WDTC1: variants seen among roughly 807,000 people sequenced by gnomAD.
The protein encoded by WDTC1 is WD and tetratricopeptide repeats 1, also known as WD and tetratricopeptide repeats protein 1.
A neutral mutation model predicts 76.0 loss-of-function variants in WDTC1; 12 were observed. That is an observed-to-expected ratio of 0.16 (90% CI 0.10 to 0.26). The LOEUF is 0.26. Ranked by LOEUF, WDTC1 falls within the 10% of genes least tolerant of loss-of-function variation. The pLI, the probability that WDTC1 is intolerant of heterozygous loss-of-function variation, is 1.00. For missense variants in WDTC1, 511 were observed against 908.8 expected, an observed-to-expected ratio of 0.56 and a Z score of 5.63; for synonymous variants, 326 against 350.8, an observed-to-expected ratio of 0.93 and a Z score of 0.79.
At chr1:27,288,044 C>T (rs2013394635) in intron 6 of WDTC1, among the ~76,000 whole-genome samples, 183 bp downstream of exon 6, 1 of 152,210 alleles carries the variant, frequency 6.6e-6, no homozygotes, top group African/African-American at 2.4e-5. Flanking sequence ...CACCTTCCTC[C>T]CTCTTTGCCC....
chr1:27,247,712 CTTTTTT>C (rs35930144), intron 1 of WDTC1, among the ~76,000 whole-genome samples: 5 of 136,560 alleles, frequency 3.7e-5, no homozygotes, highest in Admixed American at 3.0e-4. Flanking sequence ...CATTTTCTTT[CTTTTTT>C]TTTTTTTTTT....
At chr1:27,296,273 C>G (rs1302740070) in intron 9 of WDTC1, 53 bp from the exon 10 acceptor site, 1 of 1,608,322 alleles carries the variant, frequency 6.2e-7, no homozygotes, top group African/African-American at 1.3e-5. Flanking sequence ...ACTGGTTCAA[C>G]CACATCCTTA....
intron 6 of WDTC1, among the ~76,000 whole-genome samples, chr1:27,289,942 C>G (rs1379469770): frequency 1.3e-5 from 2 of 151,844 alleles, no homozygotes; most frequent in Non-Finnish European, 2.9e-5. Context: ...GCAGTACAGT[C>G]CAGCTTCGGC....
intron 3 of WDTC1, among the ~76,000 whole-genome samples, chr1:27,268,638 C>T (rs561165606): frequency 4.0e-5 from 6 of 150,982 alleles, no homozygotes; most frequent in African/African-American, 7.3e-5. Context: ...AGGCTGGTCT[C>T]GATCTCCTGA....
At chr1:27,289,786 C>G (rs968017751) in intron 6 of WDTC1, among the ~76,000 whole-genome samples, 2 of 151,834 alleles carry the variant, frequency 1.3e-5, no homozygotes, top group African/African-American at 2.4e-5. Context: ...AGCTGGAGAC[C>G]GGCCCGGCCA....
At position 27,292,386 on chromosome 1, in the gene WDTC1, C is replaced by G. The variant is rs1464000572; in HGVS notation, c.651C>G (p.Ile217Met). Residue 217 changes from isoleucine (I) to methionine (M), a missense_variant, in exon 7 of 16, where the codon ATC (isoleucine) becomes ATG (methionine). Physicochemically the swap from Ile to Met is conservative, Grantham distance 10. Transcript: ENST00000319394. ...TGAGGCTCTATGACATCCGCATGAT[C>G]CATAACCACAGGTATGAATAGTTCA... is the stretch of plus-strand genomic sequence containing the variant. Reference protein sequence around the residue: ...PFVRLYDIRMIHNHRKSMKQS... With the variant: ...PFVRLYDIRMMHNHRKSMKQS... 1 of 1,600,896 alleles carries G rather than the reference C, an allele frequency of 6.2e-7. No individual in the cohort carries two copies. The highest frequency in any genetic ancestry group is 8.5e-7 in the Non-Finnish European group (1 of 1,173,070).
chr1:27,277,918 G>A (rs867305807), intron 3 of WDTC1, among the ~76,000 whole-genome samples: 3 of 152,112 alleles, frequency 2.0e-5, no homozygotes, highest in Non-Finnish European at 4.4e-5. Flanking sequence ...TTGGCTCACC[G>A]CAACCTCCAC....
Position 27,263,133 on chromosome 1 carries a change from A to G in WDTC1, c.49-19A>G, listed in dbSNP as rs774771881. On this transcript the variant is annotated intron_variant, in intron 2 of 15. Coordinates refer to ENST00000319394, the MANE Select transcript of WDTC1 (RefSeq NM_001276252.2). ...TTTAATTGAATCAATGAAATCACGA[A>G]TTTGTTTCTGTCCCCTAGGAGCGGG... 10 of 1,612,800 alleles carry G rather than the reference A, an allele frequency of 6.2e-6. No individual in the cohort carries two copies. The African/African-American group carries it at 9.4e-5, about 15-fold the overall frequency.
intron 1 of WDTC1, among the ~76,000 whole-genome samples, chr1:27,245,857 A>G (rs568630911): frequency 1.3e-5 from 2 of 151,654 alleles, no homozygotes; most frequent in African/African-American, 4.9e-5. Flanking sequence ...GGCATGAGCC[A>G]CTGTAATCCT....
intron 1 of WDTC1, among the ~76,000 whole-genome samples, chr1:27,237,534 A>T (rs1399225344): frequency 6.6e-6 from 1 of 152,082 alleles, no homozygotes; most frequent in Non-Finnish European, 1.5e-5. Flanking sequence ...TGAAAAGCCA[A>T]AGTTCTGGCA....
intron 1 of WDTC1, among the ~76,000 whole-genome samples, chr1:27,235,327 G>T (rs142397268): frequency 9.9e-5 from 15 of 152,042 alleles, no homozygotes; most frequent in Non-Finnish European, 1.8e-4. Context: ...TGCTGGGAGG[G>T]CAACGCCGAC....
chr1:27,298,126 C>T lies in WDTC1; in HGVS notation c.1232+15C>T. 6.3e-7 allele frequency: 1 copy of T among 1,576,172 alleles called. No individual in the cohort carries two copies. Among genetic ancestry groups the T allele is most frequent in the Non-Finnish European group, 8.7e-7 (1 of 1,155,172 alleles). ...AAGCGCAAGTGGTGAGTGGCCACTG[C>T]AGAGGGGATCTGGGTCAGGATGAGG... On this transcript the variant is annotated intron_variant, in intron 12 of 15. Coordinates refer to ENST00000319394, the MANE Select transcript of WDTC1 (RefSeq NM_001276252.2).
intron 1 of WDTC1, among the ~76,000 whole-genome samples, chr1:27,239,887 A>G (rs575885145): frequency 2.7e-5 from 4 of 150,938 alleles, no homozygotes; most frequent in Admixed American, 2.0e-4. Context: ...GGCACTTGCT[A>G]GATACTTTTT....
intron 12 of WDTC1, among the ~76,000 whole-genome samples, chr1:27,299,048 T>C (rs1207568715): frequency 1.3e-5 from 2 of 152,178 alleles, no homozygotes; most frequent in Non-Finnish European, 2.9e-5. Flanking sequence ...ATGACTGTTT[T>C]GGATGAATCG....
chr1:27,249,353 T>G (rs2011959297), intron 1 of WDTC1, among the ~76,000 whole-genome samples: 2 of 152,050 alleles, frequency 1.3e-5, no homozygotes, highest in African/African-American at 4.8e-5. Context: ...ATCTACTTCC[T>G]ATTTCTATTC....
In WDTC1 at chr1:27,307,682, G is replaced by A. The variant is rs114445029; in HGVS notation, c.*1299G>A. The A allele has an allele frequency of 0.024, 3,620 of 152,946 alleles. 65 individuals carry two copies. Among genetic ancestry groups the A allele is most frequent in the Non-Finnish European group, 0.034 (2,308 of 68,206 alleles). 9.5% of individuals were successfully genotyped at this position (152,946 alleles called of 1,614,324 possible). On this transcript the variant is annotated 3_prime_UTR_variant, in exon 16 of 16. Transcript: ENST00000319394. This position sits in a 1 kb window ranked among gnomAD's most constrained non-coding sequence, Gnocchi z 4.1. The stretch of plus-strand genomic sequence containing the variant: ...AGTCAGGCTTCAGAGCAGCCCTGGA[G>A]ACAGGAGGGCCATGTTAAAAGCTTT...
At chr1:27,255,154 C>A (rs1005421869) in intron 1 of WDTC1, among the ~76,000 whole-genome samples, 17 of 152,024 alleles carry the variant, frequency 1.1e-4, no homozygotes, top group Non-Finnish European at 2.5e-4. Flanking sequence ...CTCATTATTC[C>A]TCCTTGTCTA....
At chr1:27,235,697 TCTC>T (rs1196192528) in intron 1 of WDTC1, among the ~76,000 whole-genome samples, 1 of 152,022 alleles carries the variant, frequency 6.6e-6, no homozygotes, top group Non-Finnish European at 1.5e-5. Flanking sequence ...TTGGGCTCTC[TCTC>T]CTCTGCGGGT....
intron 1 of WDTC1, among the ~76,000 whole-genome samples, chr1:27,255,941 T>G (rs2012265705): frequency 6.6e-6 from 1 of 152,140 alleles, no homozygotes; most frequent in Non-Finnish European, 1.5e-5. Flanking sequence ...CCCAGTTCTT[T>G]GCTGCTGCTT....
Sources: gnomAD v4.1 joint callset for allele counts (sites outside exome capture counted in the v4.1 genomes callset) on GRCh38, gnomAD v4.1.1 for gene constraint, Gnocchi (gnomAD v3.1) non-coding constraint, MANE v1.5 for transcripts, NCBI Gene and HGNC (gene_info 2026-07-23, HGNC 2026-07-21) for gene names.